The following KCNK2 variants were observed in gnomAD, a reference collection of about 807,000 sequenced individuals.
KCNK2 encodes the protein potassium channel subfamily K member 2.
KCNK2 carries 21 observed loss-of-function variants against 40.5 expected under a neutral mutation model. That is an observed-to-expected ratio of 0.52 (90% confidence interval 0.37 to 0.75). The LOEUF is 0.75. Ranked by LOEUF, KCNK2 falls within the 30% of genes least tolerant of loss-of-function variation. KCNK2 has a pLI of 0.00. For missense variants in KCNK2, 399 were observed against 531.6 expected (o/e 0.75, Z 2.45); for synonymous variants, 191 against 202.2 (o/e 0.94, Z 0.47).
intron 6 of KCNK2, among the ~76,000 whole-genome samples, chr1:215,230,022 T>C (rs1399379014): frequency 6.8e-6 from 1 of 147,076 alleles, no homozygotes; most frequent in Non-Finnish European, 1.5e-5. Context: ...ACAGATTATA[T>C]ATATATATAC....
intron 3 of KCNK2, among the ~76,000 whole-genome samples, chr1:215,144,660 C>T (rs1662334434): frequency 6.6e-6 from 1 of 151,908 alleles, no homozygotes; most frequent in Admixed American, 6.6e-5. Flanking sequence ...GTGATGGGGT[C>T]AGAATTCTAT....
intron 6 of KCNK2, among the ~76,000 whole-genome samples, chr1:215,211,261 C>A (rs1665730167): frequency 6.6e-6 from 1 of 152,076 alleles, no homozygotes; most frequent in Non-Finnish European, 1.5e-5. Flanking sequence ...CCTTGTGATT[C>A]CCCCAGCACA....
Position 215,124,635 on chromosome 1 carries a change from A to G in KCNK2, c.360A>G (p.Gln120=). The G allele has an allele frequency of 6.3e-7, 1 of 1,593,126 alleles. No homozygotes were observed. Among genetic ancestry groups the G allele is most frequent in the Non-Finnish European group, 8.6e-7 (1 of 1,160,872 alleles). Residue 120 remains glutamine, a splice_region_variant and synonymous_variant, in exon 3 of 7, where the codon CAA becomes CAG. Coordinates refer to ENST00000444842, the MANE Select transcript of KCNK2 (RefSeq NM_001017425.3). ...TAAATTTCTTTTTAAACTTGCAGCAAATAGTGGCAGCAATAAATGCAGGGA... is the reference window on the plus strand; with the variant it reads ...TAAATTTCTTTTTAAACTTGCAGCAGATAGTGGCAGCAATAAATGCAGGGA... ...NSTELDELIQ[Q]IVAAINAGII... is the part of the protein sequence containing the mutation.
intron 3 of KCNK2, among the ~76,000 whole-genome samples, chr1:215,135,404 G>A (rs989509972): frequency 2.6e-5 from 4 of 151,982 alleles, no homozygotes; most frequent in Non-Finnish European, 5.9e-5. Context: ...TTGAATGACT[G>A]TATACTAATT....
chr1:215,171,610 T>C (rs553162187), intron 4 of KCNK2, among the ~76,000 whole-genome samples: 1 of 152,254 alleles, frequency 6.6e-6, no homozygotes, highest in East Asian at 1.9e-4. Flanking sequence ...GTATGTATGA[T>C]TATAGAATAG....
intron 2 of KCNK2, among the ~76,000 whole-genome samples, chr1:215,113,158 C>T (rs185911357): frequency 2.2e-4 from 33 of 152,166 alleles, no homozygotes; most frequent in Admixed American, 3.9e-4. Context: ...GCATCATACA[C>T]GTGGATAAAA....
At chr1:215,124,573 T>C (rs921908418) in intron 2 of KCNK2, 60 bp from the exon 3 acceptor site, 1 of 927,868 alleles carries the variant, frequency 1.1e-6, no homozygotes, top group African/African-American at 1.6e-5. Context: ...GTGGAATATA[T>C]GCTGTTTGAT....
intron 6 of KCNK2, among the ~76,000 whole-genome samples, chr1:215,206,857 C>G (rs1665333198): frequency 6.6e-6 from 1 of 152,148 alleles, no homozygotes; most frequent in Non-Finnish European, 1.5e-5. Flanking sequence ...TTATAGAAGT[C>G]CTGCAGATAA....
chr1:215,093,115 C>A (rs1431397446), intron 2 of KCNK2, among the ~76,000 whole-genome samples: 1 of 151,902 alleles, frequency 6.6e-6, no homozygotes, highest in East Asian at 1.9e-4. Context: ...TGGATAAAAA[C>A]ATCTGGGGAA....
rs138934209 is a variant in KCNK2 at position 215,043,413 on chromosome 1, T to C, written c.34+37458T>C. On this transcript the variant is annotated intron_variant, in intron 1 of 6. Coordinates refer to the KCNK2 transcript ENST00000391895. ...AACAACCCAAATATCCATCAGCAGA[T>C]GGGTGATAAACAAAATGTGGTATAT... 3.3e-3 allele frequency among the ~76,000 whole-genome samples: 496 copies of C among 152,290 alleles called. 1 individual carries two copies. The highest frequency in any genetic ancestry group is 0.011 in the African/African-American group (474 of 41,570).
intron 3 of KCNK2, among the ~76,000 whole-genome samples, chr1:215,147,629 C>G (rs911699675): frequency 6.6e-6 from 1 of 152,006 alleles, no homozygotes; most frequent in East Asian, 1.9e-4. Flanking sequence ...GTCAGAAATT[C>G]GGGACCAGCC....
rs1666807670 is a variant in KCNK2, at chr1:215,234,719, C to T, written c.964-109C>T. ...AGACCACCAGTGCTGTAAAAGACTACTCCACTCTTCTTTTTAAAATCCCAA... is the reference window on the plus strand; with the variant it reads ...AGACCACCAGTGCTGTAAAAGACTATTCCACTCTTCTTTTTAAAATCCCAA... On this transcript the variant is annotated intron_variant, in intron 6 of 6. Transcript: ENST00000444842. The T allele has an allele frequency of 2.6e-5, 27 of 1,038,200 alleles. No individual in the cohort carries two copies. In the South Asian group the frequency reaches 3.7e-4, roughly 14 times the overall value. The allele number at this position is 1,038,200 out of a possible 1,614,324, so 64.3% of individuals were successfully genotyped here. A position where few individuals can be genotyped will look rare whatever the true frequency, so the allele number is the denominator to read the frequency against.
At chr1:215,125,758 A>C (rs2102582618) in intron 3 of KCNK2, among the ~76,000 whole-genome samples, 1 of 8,934 alleles carries the variant, frequency 1.1e-4, no homozygotes, top group South Asian at 9.0e-4. Flanking sequence ...ATATATATAT[A>C]TATATATATA....
chr1:215,148,996 C>T (rs551928740), intron 3 of KCNK2, among the ~76,000 whole-genome samples: 6 of 152,114 alleles, frequency 3.9e-5, no homozygotes, highest in South Asian at 4.1e-4. Context: ...AATGGTACAC[C>T]GGGGAGTCTT....
intron 5 of KCNK2, among the ~76,000 whole-genome samples, chr1:215,189,554 C>T (rs1048538768): frequency 4.6e-5 from 7 of 152,170 alleles, no homozygotes; most frequent in African/African-American, 1.7e-4. Context: ...TACAGGGACA[C>T]GGACAACTTC....
intron 5 of KCNK2, among the ~76,000 whole-genome samples, chr1:215,193,500 C>G (rs533302447): frequency 6.6e-6 from 1 of 152,122 alleles, no homozygotes; most frequent in East Asian, 1.9e-4. Flanking sequence ...TCTTTGGTCA[C>G]CAGAGAGCTC....
chr1:215,150,122 T>G (rs1662621658), intron 3 of KCNK2, among the ~76,000 whole-genome samples: 1 of 152,108 alleles, frequency 6.6e-6, no homozygotes, highest in Admixed American at 6.6e-5. Flanking sequence ...GATCCAGTCT[T>G]GGGACTATGT....
intron 2 of KCNK2, among the ~76,000 whole-genome samples, chr1:215,092,299 C>T (rs1385217440): frequency 6.6e-6 from 1 of 152,068 alleles, no homozygotes; most frequent in African/African-American, 2.4e-5. Context: ...GAATGGGGCT[C>T]CCACTTTCCT....
intron 1 of KCNK2, among the ~76,000 whole-genome samples, chr1:215,035,413 G>A (rs892082419): frequency 3.3e-5 from 5 of 151,968 alleles, no homozygotes; most frequent in Non-Finnish European, 7.4e-5. Context: ...TAGCTCCTTC[G>A]TTGTCTTCTT....
Sources: gnomAD v4.1 joint callset for allele counts (sites outside exome capture counted in the v4.1 genomes callset) on GRCh38, gnomAD v4.1.1 for gene constraint, MANE v1.5 for transcripts, NCBI Gene and HGNC (gene_info 2026-07-23, HGNC 2026-07-21) for gene names.